Variants in AFTPH observed in about 807,000 individuals in gnomAD.
AFTPH encodes the protein aftiphilin protein.
AFTPH carries 7 observed loss-of-function variants against 72.5 expected under a neutral mutation model. The observed-to-expected ratio is 0.10, with a 90% confidence interval of 0.05 to 0.18. The LOEUF is 0.18. Ranked by LOEUF, AFTPH falls within the 10% of genes least tolerant of loss-of-function variation. The pLI, the probability that AFTPH is intolerant of heterozygous loss-of-function variation, is 1.00. For synonymous variants in AFTPH, 337 were observed against 370.1 expected (o/e 0.91, Z 1.03); for missense variants, 979 against 1,060.5 (o/e 0.92, Z 1.07).
At chr2:64,549,481 C>T (rs148486257) in intron 1 of AFTPH, among the ~76,000 whole-genome samples, 51 of 148,496 alleles carry the variant, frequency 3.4e-4, no homozygotes, top group African/African-American at 1.1e-3. Flanking sequence ...CCACCACGCC[C>T]GGCTAATTTT....
intron 8 of AFTPH, among the ~76,000 whole-genome samples, chr2:64,587,385 C>G (rs1189418156): frequency 6.6e-6 from 1 of 152,132 alleles, no homozygotes; most frequent in Admixed American, 6.5e-5. Flanking sequence ...ATACAAATGC[C>G]CGCAAGTCTT....
At chr2:64,551,908 G>A (rs778212935) in exon 2 of AFTPH, 1 of 1,613,592 alleles carries the variant, frequency 6.2e-7, no homozygotes. Flanking sequence ...CAGAATGTTG[G>A]AACACTTGAA....
chr2:64,552,154 C>A (rs1228295061), exon 2 of AFTPH: 2 of 1,614,050 alleles, frequency 1.2e-6, no homozygotes, highest in South Asian at 2.2e-5. Flanking sequence ...GTACCTAGTC[C>A]TGCTGAGGAA....
chr2:64,562,750 T>C (rs1003413341), intron 2 of AFTPH, among the ~76,000 whole-genome samples: 4 of 152,232 alleles, frequency 2.6e-5, no homozygotes, highest in Non-Finnish European at 5.9e-5. Context: ...TGTTACATGA[T>C]AGCAAGCTTT....
intron 7 of AFTPH, chr2:64,580,958 A>C (rs1673161517): frequency 9.5e-6 from 3 of 314,184 alleles, no homozygotes; most frequent in East Asian, 6.2e-5. Flanking sequence ...CATTCTTTAC[A>C]TTGTACATGA....
chr2:64,539,622 G>C (rs1670101808), intron 1 of AFTPH, among the ~76,000 whole-genome samples: 1 of 152,196 alleles, frequency 6.6e-6, no homozygotes, highest in South Asian at 2.1e-4. Context: ...CAATTCAAGA[G>C]TGGTTAGTAG....
At chr2:64,524,635 C>T (rs949830305) in intron 1 of AFTPH, 23 bp downstream of exon 1, 1 of 397,358 alleles carries the variant, frequency 2.5e-6, no homozygotes, top group East Asian at 3.6e-5. Flanking sequence ...GCTCCGCTCC[C>T]CTAGCTGCGC....
At chr2:64,580,614 T>G (rs1673132434) in intron 7 of AFTPH, 1 of 152,576 alleles carries the variant, frequency 6.6e-6, no homozygotes, top group Admixed American at 6.6e-5. Context: ...TTCTGATTAC[T>G]GTTTCAGAGT....
intron 6 of AFTPH, among the ~76,000 whole-genome samples, chr2:64,573,770 G>C (rs899494263): frequency 1.3e-5 from 2 of 152,072 alleles, no homozygotes; most frequent in African/African-American, 4.8e-5. Flanking sequence ...CGATTCTCCT[G>C]CCTCAGCCTC....
intron 6 of AFTPH, among the ~76,000 whole-genome samples, chr2:64,575,831 C>T (rs1052953646): frequency 1.3e-5 from 2 of 151,040 alleles, no homozygotes; most frequent in East Asian, 3.9e-4. Context: ...CTCCACCTCC[C>T]GGGTTCAAGT....
chr2:64,565,571 T>C (rs1309055548), intron 2 of AFTPH, among the ~76,000 whole-genome samples: 1 of 152,002 alleles, frequency 6.6e-6, no homozygotes, highest in Admixed American at 6.6e-5. Context: ...TAGTGGATTC[T>C]GGTTATTTAT....
chr2:64,556,891 T>C (rs1671411809), intron 2 of AFTPH, among the ~76,000 whole-genome samples: 1 of 152,236 alleles, frequency 6.6e-6, no homozygotes, highest in African/African-American at 2.4e-5. Flanking sequence ...ACCTGAAGTT[T>C]AGTATATTTC....
intron 1 of AFTPH, among the ~76,000 whole-genome samples, chr2:64,525,233 T>C (rs560089956): frequency 6.6e-6 from 1 of 152,304 alleles, no homozygotes; most frequent in South Asian, 2.1e-4. Context: ...CCAGTTTGCG[T>C]TTGAAAAGTT....
chr2:64,587,431 A>G (rs1673582592), intron 8 of AFTPH, among the ~76,000 whole-genome samples: 1 of 152,254 alleles, frequency 6.6e-6, no homozygotes, highest in African/African-American at 2.4e-5. Context: ...GTGATTCTCA[A>G]TCGTACAGAG....
intron 1 of AFTPH, among the ~76,000 whole-genome samples, chr2:64,531,691 C>T (rs2103810659): frequency 6.6e-6 from 1 of 152,216 alleles, no homozygotes; most frequent in South Asian, 2.1e-4. Flanking sequence ...GTGTAAAATA[C>T]ACAGCAGATT....
intron 1 of AFTPH, among the ~76,000 whole-genome samples, chr2:64,530,137 CAG>C (rs1669540317): frequency 6.6e-6 from 1 of 152,134 alleles, no homozygotes; most frequent in Non-Finnish European, 1.5e-5. Context: ...GCCTGGACAA[CAG>C]AGTGAGGCTC....
At chr2:64,574,584 G>A (rs756938897) in intron 6 of AFTPH, among the ~76,000 whole-genome samples, 1 of 152,178 alleles carries the variant, frequency 6.6e-6, no homozygotes, top group Non-Finnish European at 1.5e-5. Flanking sequence ...GCCATTTTAG[G>A]TGTGTTTCAA....
chr2:64,573,594 A>G (rs1672579614), intron 6 of AFTPH, among the ~76,000 whole-genome samples: 1 of 152,232 alleles, frequency 6.6e-6, no homozygotes, highest in Non-Finnish European at 1.5e-5. Flanking sequence ...AATTTAAGCA[A>G]AATGGTTATT....
At chr2:64,568,532 G>A (rs1307979441) in intron 3 of AFTPH, among the ~76,000 whole-genome samples, 1 of 151,988 alleles carries the variant, frequency 6.6e-6, no homozygotes, top group Non-Finnish European at 1.5e-5. Context: ...TGAGAAAAAA[G>A]GTAGATGGGA....
Sources: allele counts gnomAD v4.1 joint callset (sites outside exome capture counted in the v4.1 genomes callset), GRCh38; gene constraint gnomAD v4.1.1; transcripts MANE v1.5; gene names NCBI Gene and HGNC (gene_info 2026-07-23, HGNC 2026-07-21).